The following LRRC4C variants were observed in gnomAD, a reference collection of about 807,000 sequenced individuals.
LRRC4C encodes the protein leucine-rich repeat-containing protein 4C.
Under a neutral mutation model 33.6 loss-of-function variants are expected in LRRC4C, and 5 were observed. That is an observed-to-expected ratio of 0.15 (90% CI 0.08 to 0.31). LRRC4C has a LOEUF of 0.31. Among genes scored for constraint, LRRC4C ranks in the 10% least tolerant of loss-of-function variants. LRRC4C has a pLI of 1.00. For missense variants in LRRC4C, 560 were observed against 796.7 expected (o/e 0.70, Z 3.58); for synonymous variants, 329 against 302.0 (o/e 1.09, Z -0.93).
chr11:40,634,837 C>G (rs1048302399), intron 3 of LRRC4C, among the ~76,000 whole-genome samples: 1 of 151,968 alleles, frequency 6.6e-6, no homozygotes, highest in Non-Finnish European at 1.5e-5. Context: ...TTACAATAAG[C>G]TATGATAGCG....
chr11:40,156,078 T>C (rs190420605), intron 5 of LRRC4C, among the ~76,000 whole-genome samples: 248 of 152,194 alleles, frequency 1.6e-3, no homozygotes, highest in African/African-American at 5.9e-3. Context: ...ATACACCACA[T>C]AAACAGGATT....
chr11:40,484,465 G>A (rs1477074165), intron 3 of LRRC4C, among the ~76,000 whole-genome samples: 1 of 151,964 alleles, frequency 6.6e-6, no homozygotes, highest in Admixed American at 6.6e-5. Flanking sequence ...TAATGTACCT[G>A]GTAGTCCTTT....
chr11:40,761,565 A>G (rs1038029409), intron 2 of LRRC4C, among the ~76,000 whole-genome samples: 4 of 152,156 alleles, frequency 2.6e-5, no homozygotes, highest in African/African-American at 9.6e-5. Context: ...CTCTTCATCA[A>G]GACAGCAAAC....
At chr11:40,194,635 A>G (rs1173454106) in intron 5 of LRRC4C, among the ~76,000 whole-genome samples, 2 of 151,890 alleles carry the variant, frequency 1.3e-5, no homozygotes, top group Admixed American at 6.6e-5. Context: ...TGGGGGGCAA[A>G]GGGAGGGATA....
chr11:40,134,476 A>ATG (rs1358481201), intron 6 of LRRC4C, among the ~76,000 whole-genome samples: 1 of 152,216 alleles, frequency 6.6e-6, no homozygotes, highest in East Asian at 1.9e-4. Flanking sequence ...AGATATAAGC[A>ATG]AAACTCTAAG....
chr11:40,807,913 C>T (rs189030204), intron 2 of LRRC4C, among the ~76,000 whole-genome samples: 79 of 152,268 alleles, frequency 5.2e-4, no homozygotes, highest in African/African-American at 1.8e-3. Flanking sequence ...GCCTAGAATT[C>T]CATGCCTGGG....
intron 1 of LRRC4C, among the ~76,000 whole-genome samples, chr11:41,230,642 C>G (rs915737805): frequency 6.6e-6 from 1 of 151,912 alleles, no homozygotes; most frequent in African/African-American, 2.4e-5. Context: ...TTTTCCTTCT[C>G]TTTCTAAACC....
chr11:41,080,646 C>T (rs867415843), intron 1 of LRRC4C, among the ~76,000 whole-genome samples: 7 of 152,130 alleles, frequency 4.6e-5, no homozygotes, highest in Admixed American at 1.3e-4. Context: ...AGCCACCATC[C>T]CTGGCCTATC....
chr11:41,054,302 G>A (rs369421559), intron 1 of LRRC4C, among the ~76,000 whole-genome samples: 5 of 152,176 alleles, frequency 3.3e-5, no homozygotes, highest in South Asian at 2.1e-4. Flanking sequence ...AATTCAAACC[G>A]GTGAACGTTC....
intron 5 of LRRC4C, among the ~76,000 whole-genome samples, chr11:40,198,570 C>G (rs1339104354): frequency 6.6e-6 from 1 of 152,176 alleles, no homozygotes; most frequent in Non-Finnish European, 1.5e-5. Flanking sequence ...TCCAGAAAGT[C>G]CATTTTGAAG....
At chr11:40,469,800 G>C (rs1237864409) in intron 3 of LRRC4C, among the ~76,000 whole-genome samples, 1 of 152,170 alleles carries the variant, frequency 6.6e-6, no homozygotes, top group Non-Finnish European at 1.5e-5. Context: ...CCAGAGCTCG[G>C]CAAAGCTGCT....
At chr11:40,657,483 T>C (rs1207582774) in intron 2 of LRRC4C, among the ~76,000 whole-genome samples, 1 of 148,492 alleles carries the variant, frequency 6.7e-6, no homozygotes, top group Non-Finnish European at 1.5e-5. Flanking sequence ...CAAACCTGTC[T>C]CCCATTCTAT....
At chr11:41,005,109 T>C (rs1455329068) in intron 1 of LRRC4C, among the ~76,000 whole-genome samples, 1 of 152,146 alleles carries the variant, frequency 6.6e-6, no homozygotes, top group African/African-American at 2.4e-5. Context: ...TGATGTGATG[T>C]TTGTATTTAT....
rs551372932 is a variant in LRRC4C at position 40,540,604 on chromosome 11, G to T, written c.-270+107538C>A. ...GAGTTCTAAAATTTAGGTAAGGGAAGAGTATTCCTTCTAAATTCAGTTTGA... is the reference window on the plus strand; with the variant it reads ...GAGTTCTAAAATTTAGGTAAGGGAATAGTATTCCTTCTAAATTCAGTTTGA... On this transcript the variant is annotated intron_variant, in intron 3 of 6. Transcript: ENST00000528697. Among the ~76,000 whole-genome samples the T allele has an allele frequency of 2.6e-5, 4 of 152,162 alleles. No individual in the cohort carries two copies. In the East Asian group the frequency reaches 7.7e-4, roughly 29 times the overall value.
At chr11:40,251,673 A>G (rs1159104989) in intron 4 of LRRC4C, among the ~76,000 whole-genome samples, 1 of 152,234 alleles carries the variant, frequency 6.6e-6, no homozygotes, top group Non-Finnish European at 1.5e-5. Flanking sequence ...ACCTTCACCT[A>G]GAAGTAAAGG....
At chr11:40,520,349 T>C (rs1005313103) in intron 3 of LRRC4C, among the ~76,000 whole-genome samples, 1 of 152,150 alleles carries the variant, frequency 6.6e-6, no homozygotes, top group Admixed American at 6.5e-5. Context: ...ACATGCTTTC[T>C]TCACTAAGTT....
At chr11:40,480,161 G>C (rs977601345) in intron 3 of LRRC4C, among the ~76,000 whole-genome samples, 3 of 152,022 alleles carry the variant, frequency 2.0e-5, no homozygotes, top group Admixed American at 6.6e-5. Flanking sequence ...AAGTGTTCAT[G>C]TTTGAATTGG....
chr11:40,218,555 T>C (rs1864138952), intron 5 of LRRC4C, among the ~76,000 whole-genome samples: 1 of 152,098 alleles, frequency 6.6e-6, no homozygotes, highest in African/African-American at 2.4e-5. Context: ...AGTTTCTAAA[T>C]TGTGAAACTT....
At chr11:40,249,432 C>A (rs1866602481) in intron 4 of LRRC4C, among the ~76,000 whole-genome samples, 1 of 151,944 alleles carries the variant, frequency 6.6e-6, no homozygotes, top group African/African-American at 2.4e-5. Context: ...TCACTGAATT[C>A]ATACTTCATC....
Sources: allele counts gnomAD v4.1 joint callset (sites outside exome capture counted in the v4.1 genomes callset), GRCh38; gene constraint gnomAD v4.1.1; transcripts MANE v1.5; gene names NCBI Gene and HGNC (gene_info 2026-07-23, HGNC 2026-07-21).